XDH: variants seen among roughly 807,000 people sequenced by gnomAD.
XDH encodes xanthine dehydrogenase/oxidase.
XDH carries 138 observed loss-of-function variants against 156.1 expected under a neutral mutation model. The observed-to-expected ratio is 0.88, with a 90% CI of 0.77 to 1.02. The LOEUF (loss-of-function observed/expected upper bound fraction) is 1.02. XDH is among the 50% of genes least tolerant of loss of function. The pLI, the probability that XDH is intolerant of heterozygous loss-of-function variation, is 0.00. For synonymous variants in XDH, 669 were observed against 625.7 expected, an observed-to-expected ratio of 1.07 and a Z score of -1.03; for missense variants, 1,849 against 1,684.9, an observed-to-expected ratio of 1.10 and a Z score of -1.71.
intron 33 of XDH, 99 bp from the exon 34 acceptor site, chr2:31,339,776 C>T: frequency 6.7e-7 from 1 of 1,490,878 alleles, no homozygotes; most frequent in South Asian, 1.2e-5. Context: ...TGCAGCGCGG[C>T]CTGGAATGTA....
rs1416281683 is a variant in XDH at position 31,350,148 on chromosome 2, T to C, written c.2707A>G (p.Lys903Glu). 6.2e-6 allele frequency: 10 copies of C among 1,614,240 alleles called. No homozygotes were observed. The highest frequency in any genetic ancestry group is 1.7e-5 in the Admixed American group (1 of 60,030). ...GCCGTGTTGGAGGGAAGGTTGGTTT[T>C]GCACAGCCGCCCAGTGCCCCGGATG... is the stretch of plus-strand genomic sequence containing the variant. Reference protein sequence around the residue: ...PNIRGTGRLCKTNLPSNTAFR... With the variant: ...PNIRGTGRLCETNLPSNTAFR... Residue 903 changes from lysine (K) to glutamate (E), a missense_variant, in exon 25 of 36, where the codon AAA becomes GAA. Transcript: ENST00000379416.
chr2:31,361,747 T>G (rs1685786325), intron 24 of XDH, among the ~76,000 whole-genome samples: 1 of 152,304 alleles, frequency 6.6e-6, no homozygotes, highest in East Asian at 1.9e-4. Flanking sequence ...TATTTTATTT[T>G]GGACACTTAG....
Position 31,386,091 on chromosome 2 carries a change from TC to T in XDH, c.793+322del, listed in dbSNP as rs201031243. Among the ~76,000 whole-genome samples, 944 of 152,300 alleles carry T rather than the reference TC, an allele frequency of 6.2e-3. 9 individuals are homozygous for T. Among genetic ancestry groups the T allele is most frequent in the South Asian group, 0.019 (93 of 4,818 alleles). On this transcript the variant is annotated intron_variant, in intron 9 of 35. Coordinates refer to ENST00000379416, the MANE Select transcript of XDH (RefSeq NM_000379.4). ...GAGAAGTCAACTACATGCAAGGATC[TC>T]ATTTCACACCCAAAACAATCCTTCA... is the stretch of plus-strand genomic sequence containing the variant.
intron 16 of XDH, 88 bp downstream of exon 16, chr2:31,373,785 A>G: frequency 7.6e-7 from 1 of 1,320,876 alleles, no homozygotes. Context: ...ATACAATTCA[A>G]GTTAGTCATT....
In XDH at chr2:31,375,368, G is replaced by C; in HGVS notation, c.1602+12C>G. ...GCTACAGAGAGCCTGTGCCTGGCCAGGCCCCACTCACGTCTTCCAGGTTCT... is the reference window on the plus strand; with the variant it reads ...GCTACAGAGAGCCTGTGCCTGGCCACGCCCCACTCACGTCTTCCAGGTTCT... On this transcript the variant is annotated intron_variant, in intron 15 of 35. Coordinates refer to ENST00000379416, the MANE Select transcript of XDH (RefSeq NM_000379.4). 1 of 1,614,150 alleles carries C rather than the reference G, an allele frequency of 6.2e-7. No homozygotes were observed. The highest frequency in any genetic ancestry group is 8.5e-7 in the Non-Finnish European group (1 of 1,180,030).
intron 9 of XDH, 37 bp downstream of exon 9, chr2:31,386,377 C>T (rs1035049826): frequency 1.4e-5 from 22 of 1,607,460 alleles, no homozygotes; most frequent in Non-Finnish European, 1.7e-5. Flanking sequence ...ACCCCCAGAC[C>T]CCCTGGCAGC....
chr2:31,403,088 C>A lies in XDH; in HGVS notation c.157G>T (p.Val53Leu), dbSNP rs1036819861. Residue 53 changes from valine (V) to leucine (L), a missense_variant, in exon 3 of 36, where the codon GTG (valine) becomes TTG (leucine). Coordinates refer to ENST00000379416, the MANE Select transcript of XDH (RefSeq NM_000379.4). ...CGEGGCGACT[V>L]MLSKYDRLQN... is the part of the protein sequence containing the mutation. ...AGACGATCATACTTGGAGAGCATCA[C>A]TGTGCAAGCCCCGCAGCCCCCCTCT... 6.2e-7 allele frequency: 1 copy of A among 1,614,080 alleles called. No homozygotes were observed. The highest frequency in any genetic ancestry group is 8.5e-7 in the Non-Finnish European group (1 of 1,180,034).
At chr2:31,346,607 T>C (rs1407673754) in intron 30 of XDH, among the ~76,000 whole-genome samples, 162 bp downstream of exon 30, 1 of 152,176 alleles carries the variant, frequency 6.6e-6, no homozygotes, top group Non-Finnish European at 1.5e-5. Flanking sequence ...CCAGCCAGAA[T>C]GAGCATTTAT....
In XDH at chr2:31,350,059, T is replaced by G. The variant is rs766266153; in HGVS notation, c.2796A>C (p.Ala932=). Residue 932 remains alanine, a synonymous_variant, in exon 25 of 36, where the codon GCA becomes GCC. Transcript: ENST00000379416. ...CCTCTGCAGGCATCCCACAGGTCAC[T>G]GCAACTTCACTCATCCAGCACTCGG... ...LIAECWMSEV[A]VTCGMPAEEV... 1 of 1,614,198 alleles carries G rather than the reference T, an allele frequency of 6.2e-7. No individual in the cohort carries two copies. The highest frequency in any genetic ancestry group is 8.5e-7 in the Non-Finnish European group (1 of 1,180,046).
At chr2:31,405,583 C>T (rs146809433) in intron 2 of XDH, among the ~76,000 whole-genome samples, 5 of 152,280 alleles carry the variant, frequency 3.3e-5, no homozygotes, top group Middle Eastern at 3.4e-3. Context: ...CTAAGGAAGG[C>T]CCCCCTCTTC....
chr2:31,374,090 C>G (rs1686157375), intron 15 of XDH, 134 bp from the exon 16 acceptor site: 5 of 866,724 alleles, frequency 5.8e-6, no homozygotes, highest in Non-Finnish European at 7.3e-6. Context: ...TGAGTGCTGG[C>G]TGGATCTCTC....
chr2:31,378,418 T>G (rs114281245), intron 13 of XDH, among the ~76,000 whole-genome samples: 3 of 152,138 alleles, frequency 2.0e-5, no homozygotes, highest in African/African-American at 7.2e-5. Flanking sequence ...CAAATTCTGA[T>G]GAACACCAAA....
Position 31,383,295 on chromosome 2 carries a change from C to G in XDH, c.887-143G>C, listed in dbSNP as rs550576968. ...TTTCCATGGATGAGGAAATGAGGGC[C>G]CAGAGTGGTTGAGTGACCTAACCAA... On this transcript the variant is annotated intron_variant, in intron 10 of 35. Coordinates refer to ENST00000379416, the MANE Select transcript of XDH (RefSeq NM_000379.4). The G allele has an allele frequency of 3.7e-6, 5 of 1,344,776 alleles. No individual in the cohort carries two copies. The East Asian group carries it at 1.0e-4, about 27-fold the overall frequency. 83.3% of individuals were successfully genotyped at this position (1,344,776 alleles called of 1,614,324 possible). A position where few individuals can be genotyped will look rare whatever the true frequency, so the allele number is the denominator to read the frequency against.
chr2:31,340,027 G>C (rs45535534), intron 33 of XDH, among the ~76,000 whole-genome samples: 3 of 152,238 alleles, frequency 2.0e-5, no homozygotes, highest in African/African-American at 7.2e-5. Context: ...GGATTTATTC[G>C]ATAGTAGATT....
chr2:31,394,726 T>C (rs1000340058), intron 6 of XDH, among the ~76,000 whole-genome samples: 6 of 152,234 alleles, frequency 3.9e-5, no homozygotes, highest in African/African-American at 1.4e-4. Context: ...CTGTTTGTTT[T>C]CATTCACTTC....
intron 24 of XDH, among the ~76,000 whole-genome samples, chr2:31,359,778 T>C (rs1341208468): frequency 6.6e-6 from 1 of 152,174 alleles, no homozygotes; most frequent in Non-Finnish European, 1.5e-5. Flanking sequence ...TTAATCAATA[T>C]TCGGATTAGG....
intron 21 of XDH, 143 bp downstream of exon 21, chr2:31,366,727 G>A: frequency 7.6e-7 from 1 of 1,314,588 alleles, no homozygotes; most frequent in Non-Finnish European, 1.1e-6. Flanking sequence ...TGGTGAAAGA[G>A]TCTGGCTCCA....
intron 24 of XDH, among the ~76,000 whole-genome samples, chr2:31,351,108 C>A (rs1314721261): frequency 6.6e-6 from 1 of 152,160 alleles, no homozygotes; most frequent in Non-Finnish European, 1.5e-5. Context: ...TTAGCCCCCT[C>A]CCTCCAGCCC....
intron 16 of XDH, among the ~76,000 whole-genome samples, chr2:31,373,584 G>T (rs1686139779): frequency 6.6e-6 from 1 of 151,758 alleles, no homozygotes. Flanking sequence ...TACTCAAGAA[G>T]ACGTCTGGCT....
Sources: gnomAD v4.1 joint callset for allele counts (sites outside exome capture counted in the v4.1 genomes callset) on GRCh38, gnomAD v4.1.1 for gene constraint, MANE v1.5 for transcripts, NCBI Gene and HGNC (gene_info 2026-07-23, HGNC 2026-07-21) for gene names.